UBE2F: variants seen among roughly 807,000 people sequenced by gnomAD.
UBE2F encodes the protein ubiquitin conjugating enzyme E2 F (putative).
In UBE2F, 5 loss-of-function variants were observed where a neutral mutation model predicts 29.6. The ratio of observed to expected loss-of-function variants is 0.17; its 90% CI spans 0.09 to 0.36. UBE2F has a LOEUF of 0.36. UBE2F is among the 10% of genes least tolerant of loss of function. The pLI is 1.00. For missense variants in UBE2F, 141 were observed against 228.5 expected, an observed-to-expected ratio of 0.62 and a Z score of 2.47; for synonymous variants, 66 against 81.8, an observed-to-expected ratio of 0.81 and a Z score of 1.04.
At chr2:237,984,174 C>A (rs2063434124) in intron 2 of UBE2F, among the ~76,000 whole-genome samples, 1 of 152,130 alleles carries the variant, frequency 6.6e-6, no homozygotes, top group East Asian at 1.9e-4. Flanking sequence ...CCCCCTCCAC[C>A]CACTCAGAGT....
intron 4 of UBE2F, among the ~76,000 whole-genome samples, chr2:238,013,721 G>A (rs374042437): frequency 5.1e-4 from 78 of 152,288 alleles, no homozygotes; most frequent in African/African-American, 1.8e-3. Flanking sequence ...AGACACTGGA[G>A]TATGGTTCCT....
intron 9 of UBE2F, among the ~76,000 whole-genome samples, chr2:238,037,003 T>G (rs908182682): frequency 6.6e-6 from 1 of 152,208 alleles, no homozygotes; most frequent in African/African-American, 2.4e-5. Context: ...TTCATTACTG[T>G]TTTTAATTTT....
At chr2:237,998,986 G>A (rs1476937187) in intron 4 of UBE2F, among the ~76,000 whole-genome samples, 1 of 152,112 alleles carries the variant, frequency 6.6e-6, no homozygotes, top group Non-Finnish European at 1.5e-5. Flanking sequence ...TCTTTTGTCA[G>A]ATGCATGAGC....
intron 4 of UBE2F, among the ~76,000 whole-genome samples, chr2:238,004,993 C>G (rs1393272379): frequency 6.6e-6 from 1 of 152,114 alleles, no homozygotes; most frequent in African/African-American, 2.4e-5. Context: ...AAGGAGTGCC[C>G]TCTTGCCAAC....
At chr2:238,026,343 C>T (rs139738737) in intron 6 of UBE2F, among the ~76,000 whole-genome samples, 203 of 152,328 alleles carry the variant, frequency 1.3e-3, no homozygotes, top group Non-Finnish European at 2.6e-3. Context: ...TTCCGTATCT[C>T]TTTTCTTTCA....
At chr2:238,009,559 G>A (rs755008028) in intron 4 of UBE2F, among the ~76,000 whole-genome samples, 1 of 152,070 alleles carries the variant, frequency 6.6e-6, no homozygotes, top group African/African-American at 2.4e-5. Flanking sequence ...TGCTTTCCCC[G>A]TAACCGTCCA....
intron 5 of UBE2F, among the ~76,000 whole-genome samples, chr2:238,017,089 A>G (rs957002609): frequency 6.6e-6 from 1 of 152,220 alleles, no homozygotes; most frequent in African/African-American, 2.4e-5. Flanking sequence ...TTAGACAATA[A>G]TTATACCAAA....
chr2:238,004,408 GT>G (rs139055573), intron 4 of UBE2F, among the ~76,000 whole-genome samples: 4,116 of 151,106 alleles, frequency 0.027, 179 homozygotes, highest in African/African-American at 0.095. Context: ...AAAAAATAAG[GT>G]TTTTTTTTCT....
At chr2:238,037,701 G>T (rs985669511) in intron 9 of UBE2F, among the ~76,000 whole-genome samples, 2 of 152,168 alleles carry the variant, frequency 1.3e-5, no homozygotes, top group Non-Finnish European at 1.5e-5. Flanking sequence ...TATCTCCCGG[G>T]TTCAGGCAAT....
chr2:237,976,130 C>T (rs1326158393), intron 2 of UBE2F, among the ~76,000 whole-genome samples: 10 of 152,332 alleles, frequency 6.6e-5, no homozygotes, highest in African/African-American at 1.7e-4. Context: ...GCCCAGAGGG[C>T]GGGGCAAGAG....
At chr2:237,993,592 A>C (rs991254054) in intron 3 of UBE2F, among the ~76,000 whole-genome samples, 1 of 152,158 alleles carries the variant, frequency 6.6e-6, no homozygotes, top group African/African-American at 2.4e-5. Context: ...GTGCACCTGT[A>C]GTCCCTGCTA....
intron 4 of UBE2F, among the ~76,000 whole-genome samples, chr2:238,011,956 G>A (rs2064040019): frequency 6.6e-6 from 1 of 151,992 alleles, no homozygotes; most frequent in South Asian, 2.1e-4. Context: ...ATGGCTCACT[G>A]CAGCCTCAAA....
chr2:238,025,792 G>A (rs1177482924), intron 6 of UBE2F, among the ~76,000 whole-genome samples: 2 of 152,174 alleles, frequency 1.3e-5, no homozygotes, highest in Non-Finnish European at 2.9e-5. Context: ...ATACCCAGGA[G>A]AAAAAATGTA....
intron 3 of UBE2F, among the ~76,000 whole-genome samples, chr2:237,992,490 A>G (rs2063610317): frequency 6.6e-6 from 1 of 152,168 alleles, no homozygotes; most frequent in African/African-American, 2.4e-5. Flanking sequence ...GGACTGTGAC[A>G]TTGTCATCTC....
chr2:238,032,309 T>G (rs1351195979), intron 8 of UBE2F, 55 bp downstream of exon 8: 1 of 1,457,720 alleles, frequency 6.9e-7, no homozygotes, highest in East Asian at 2.3e-5. Context: ...TTGCTGGTTT[T>G]AGACATTGCG....
At chr2:238,018,449 A>G (rs1367118797) in intron 5 of UBE2F, among the ~76,000 whole-genome samples, 1 of 152,220 alleles carries the variant, frequency 6.6e-6, no homozygotes, top group Non-Finnish European at 1.5e-5. Flanking sequence ...CTATAGGAAG[A>G]AAGCAAACTA....
chr2:238,006,154 T>A (rs2084253), intron 4 of UBE2F, among the ~76,000 whole-genome samples: 130,722 of 152,238 alleles, frequency 0.86, 56,280 homozygotes, highest in East Asian at 0.97. Context: ...TCAGGAAGCT[T>A]ATAATCCTAG....
chr2:238,001,814 C>T lies in UBE2F; in HGVS notation c.214+7005C>T, dbSNP rs192919514. On this transcript the variant is annotated intron_variant, in intron 4 of 9. Transcript: ENST00000272930. ...CAGCCTGGGCGACAGAGCAAGACTCCGTCTCAACAAAAAACAAAAAACAAA... is the reference window on the plus strand; with the variant it reads ...CAGCCTGGGCGACAGAGCAAGACTCTGTCTCAACAAAAAACAAAAAACAAA... Among the ~76,000 whole-genome samples, 870 of 151,426 alleles carry T rather than the reference C, an allele frequency of 5.7e-3. 4 individuals are homozygous for T. Among genetic ancestry groups the T allele is most frequent in the South Asian group, 0.016 (78 of 4,776 alleles).
chr2:238,022,418 C>T (rs1402367611), intron 5 of UBE2F, among the ~76,000 whole-genome samples: 1 of 152,168 alleles, frequency 6.6e-6, no homozygotes, highest in African/African-American at 2.4e-5. Flanking sequence ...AGAGTCCTTA[C>T]AAGCAAAGTA....
Sources: allele counts gnomAD v4.1 joint callset (sites outside exome capture counted in the v4.1 genomes callset), GRCh38; gene constraint gnomAD v4.1.1; transcripts MANE v1.5; gene names NCBI Gene and HGNC (gene_info 2026-07-23, HGNC 2026-07-21).